Variants in SUGCT observed in about 807,000 individuals in gnomAD.
SUGCT encodes succinyl-CoA:glutarate-CoA transferase, also known as succinyl-CoA:glutarate CoA-transferase.
A neutral mutation model predicts 55.0 loss-of-function variants in SUGCT; 41 were observed. The observed-to-expected ratio is 0.74, with a 90% CI of 0.58 to 0.97. The LOEUF (loss-of-function observed/expected upper bound fraction) is 0.97, where lower values mean the gene tolerates loss of function less well. SUGCT is among the 50% of genes least tolerant of loss of function. SUGCT has a pLI of 0.00. For synonymous variants in SUGCT, 187 were observed against 200.4 expected (o/e 0.93, Z 0.56); for missense variants, 568 against 547.8 (o/e 1.04, Z -0.37).
intron 12 of SUGCT, among the ~76,000 whole-genome samples, chr7:40,596,952 C>T (rs1201452733): frequency 3.3e-5 from 5 of 152,130 alleles, no homozygotes; most frequent in Non-Finnish European, 5.9e-5. Flanking sequence ...TGTATCTTCC[C>T]CCTTAATCGC....
At chr7:40,994,476 A>T in the SUGCT span, among the ~76,000 whole-genome samples, 5 of 152,132 alleles carry the variant, frequency 3.3e-5, no homozygotes, top group African/African-American at 1.2e-4. Flanking sequence ...AAAAAGTCCC[A>T]TGCCCCAAGT....
intron 1 of SUGCT, among the ~76,000 whole-genome samples, chr7:40,160,808 A>C (rs958628567): frequency 6.6e-6 from 1 of 152,094 alleles, no homozygotes; most frequent in South Asian, 2.1e-4. Context: ...GTGACATGCA[A>C]ATTTTTAACT....
rs571615963 is a variant in SUGCT, at chr7:40,564,237, G to T, written c.1089+67851G>T. On this transcript the variant is annotated intron_variant, in intron 12 of 13. Transcript: ENST00000335693. ...AAAAATACAAAAAAATTAGCCGGGTGTGGTAGCAGGCGCCTGTAGTCCCAG... is the reference window on the plus strand; with the variant it reads ...AAAAATACAAAAAAATTAGCCGGGTTTGGTAGCAGGCGCCTGTAGTCCCAG... Among the ~76,000 whole-genome samples the T allele has an allele frequency of 5.3e-5, 8 of 152,282 alleles. No individual in the cohort carries two copies. In the South Asian group the frequency reaches 8.3e-4, roughly 16 times the overall value.
the SUGCT span, among the ~76,000 whole-genome samples, chr7:40,874,341 C>G: frequency 6.6e-6 from 1 of 152,182 alleles, no homozygotes; most frequent in African/African-American, 2.4e-5. Context: ...GCCTTTGAGA[C>G]AGTAGGGGCC....
chr7:40,604,126 G>T (rs565783319), intron 12 of SUGCT, among the ~76,000 whole-genome samples: 44 of 152,174 alleles, frequency 2.9e-4, no homozygotes, highest in Non-Finnish European at 5.3e-4. Flanking sequence ...CAGGCTTCTC[G>T]TTTCTGTGCT....
At chr7:40,914,745 G>A in the SUGCT span, among the ~76,000 whole-genome samples, 1 of 152,110 alleles carries the variant, frequency 6.6e-6, no homozygotes, top group Non-Finnish European at 1.5e-5. Context: ...GCCTATAGAG[G>A]CTGCAGCATT....
At chr7:40,460,688 T>C (rs755926431) in intron 11 of SUGCT, among the ~76,000 whole-genome samples, 1 of 152,218 alleles carries the variant, frequency 6.6e-6, no homozygotes, top group Non-Finnish European at 1.5e-5. Context: ...AATTATGTTA[T>C]AGAGTTCAAC....
At chr7:40,365,400 A>T (rs1162140168) in intron 9 of SUGCT, among the ~76,000 whole-genome samples, 2 of 151,690 alleles carry the variant, frequency 1.3e-5, no homozygotes, top group African/African-American at 4.8e-5. Flanking sequence ...ATAGTGTTGG[A>T]AGTTCTGGCC....
chr7:40,950,145 A>G, the SUGCT span, among the ~76,000 whole-genome samples: 5 of 152,024 alleles, frequency 3.3e-5, no homozygotes, highest in African/African-American at 4.8e-5. Context: ...GCAGTGGTTT[A>G]TAGTTCTCCT....
At chr7:40,605,513 C>A (rs1433440547) in intron 12 of SUGCT, among the ~76,000 whole-genome samples, 4 of 152,144 alleles carry the variant, frequency 2.6e-5, no homozygotes, top group Admixed American at 2.0e-4. Context: ...TTGATTCATT[C>A]ATTTATTTTT....
intron 1 of SUGCT, 78 bp downstream of exon 1, chr7:40,135,198 A>C (rs1305649571): frequency 6.9e-7 from 1 of 1,456,380 alleles, no homozygotes; most frequent in Non-Finnish European, 9.2e-7. Context: ...TGAGGAGAGC[A>C]ATTAGGGTCT....
At chr7:40,565,416 G>GGT (rs1201801337) in intron 12 of SUGCT, among the ~76,000 whole-genome samples, 1 of 152,174 alleles carries the variant, frequency 6.6e-6, no homozygotes, top group African/African-American at 2.4e-5. Flanking sequence ...AAGGTCTAAT[G>GGT]GTAGATAAGT....
the SUGCT span, among the ~76,000 whole-genome samples, chr7:41,013,704 C>T: frequency 6.6e-6 from 1 of 151,658 alleles, no homozygotes; most frequent in African/African-American, 2.4e-5. Context: ...AAGAGGTTAC[C>T]TCATAAAGTT....
intron 9 of SUGCT, among the ~76,000 whole-genome samples, chr7:40,430,489 CT>C (rs1254205349): frequency 1.3e-5 from 2 of 152,092 alleles, no homozygotes; most frequent in African/African-American, 4.8e-5. Flanking sequence ...CCTGTTCAAG[CT>C]TTTTGCCTTC....
At chr7:40,768,623 C>T (rs1788929326) in intron 13 of SUGCT, among the ~76,000 whole-genome samples, 1 of 152,126 alleles carries the variant, frequency 6.6e-6, no homozygotes, top group Admixed American at 6.5e-5. Context: ...TAAAAGAATA[C>T]TTGCTGTGAA....
At chr7:40,734,050 G>A (rs1018670100) in intron 12 of SUGCT, among the ~76,000 whole-genome samples, 1 of 152,214 alleles carries the variant, frequency 6.6e-6, no homozygotes, top group Non-Finnish European at 1.5e-5. Context: ...ATAAGGAGAT[G>A]CCTTGTTGCA....
At chr7:40,589,129 A>G (rs1562883189) in intron 12 of SUGCT, among the ~76,000 whole-genome samples, 2 of 151,878 alleles carry the variant, frequency 1.3e-5, no homozygotes, top group South Asian at 2.1e-4. Context: ...ATCTTGTAGT[A>G]TTGTTTAAAT....
chr7:40,953,098 G>A, the SUGCT span, among the ~76,000 whole-genome samples: 7 of 152,162 alleles, frequency 4.6e-5, no homozygotes, highest in African/African-American at 7.2e-5. Flanking sequence ...CCAATCAGAC[G>A]TAGATTTGGT....
chr7:40,278,476 C>G (rs1319692638), intron 8 of SUGCT, among the ~76,000 whole-genome samples: 3 of 152,162 alleles, frequency 2.0e-5, no homozygotes. Flanking sequence ...CACATGCACA[C>G]ATATGTTTAT....
Sources: gnomAD v4.1 joint callset for allele counts (sites outside exome capture counted in the v4.1 genomes callset) on GRCh38, gnomAD v4.1.1 for gene constraint, MANE v1.5 for transcripts, NCBI Gene and HGNC (gene_info 2026-07-23, HGNC 2026-07-21) for gene names.